Variants in ADAMTS9 observed in about 807,000 individuals in gnomAD.
ADAMTS9 encodes A disintegrin and metalloproteinase with thrombospondin motifs 9.
ADAMTS9 carries 107 observed loss-of-function variants against 257.1 expected under a neutral mutation model. That is an observed-to-expected ratio of 0.42 (90% CI 0.36 to 0.49). ADAMTS9 has a LOEUF of 0.49. Ranked by LOEUF, ADAMTS9 falls within the 20% of genes least tolerant of loss-of-function variation. ADAMTS9 has a pLI of 0.03. For synonymous variants in ADAMTS9, 982 were observed against 880.9 expected, an observed-to-expected ratio of 1.11 and a Z score of -2.03; for missense variants, 2,353 against 2,469.1, an observed-to-expected ratio of 0.95 and a Z score of 1.00.
intron 3 of ADAMTS9, among the ~76,000 whole-genome samples, chr3:64,674,588 G>C (rs1701578839): frequency 6.6e-6 from 1 of 152,200 alleles, no homozygotes; most frequent in Admixed American, 6.5e-5. Context: ...GCCTGTTCTT[G>C]ATCTTTACAA....
At chr3:64,639,962 T>C (rs544800918) in intron 12 of ADAMTS9, among the ~76,000 whole-genome samples, 2 of 152,188 alleles carry the variant, frequency 1.3e-5, no homozygotes, top group East Asian at 3.8e-4. Context: ...TTATTTCTCA[T>C]GGGGAGTAGG....
intron 30 of ADAMTS9, among the ~76,000 whole-genome samples, 178 bp from the exon 31 acceptor site, chr3:64,551,240 T>C (rs751220780): frequency 3.9e-5 from 6 of 152,118 alleles, no homozygotes; most frequent in South Asian, 2.1e-4. Context: ...GATGGAGTCT[T>C]GCTCTGTCTC....
At chr3:64,523,155 C>G (rs541392348) in intron 38 of ADAMTS9, among the ~76,000 whole-genome samples, 1 of 152,110 alleles carries the variant, frequency 6.6e-6, no homozygotes, top group East Asian at 1.9e-4. Flanking sequence ...GAAATGTGTC[C>G]AGAGAAAATA....
intron 11 of ADAMTS9, among the ~76,000 whole-genome samples, chr3:64,645,668 T>C (rs568172397): frequency 6.6e-6 from 1 of 152,306 alleles, no homozygotes; most frequent in East Asian, 1.9e-4. Flanking sequence ...ATCCACATCT[T>C]TAATAAAAGC....
At chr3:64,632,032 A>G in intron 14 of ADAMTS9, 107 bp from the exon 15 acceptor site, 1 of 814,412 alleles carries the variant, frequency 1.2e-6, no homozygotes, top group Non-Finnish European at 2.0e-6. Context: ...CAAGAAAGTC[A>G]AGTCCTTTAA....
chr3:64,634,353 G>C (rs1238119828), intron 12 of ADAMTS9, among the ~76,000 whole-genome samples: 2 of 152,126 alleles, frequency 1.3e-5, no homozygotes, highest in Non-Finnish European at 2.9e-5. Context: ...TCATAAACTT[G>C]TTCCCTCACA....
chr3:64,598,876 T>C (rs185974341), intron 26 of ADAMTS9, among the ~76,000 whole-genome samples: 5 of 152,276 alleles, frequency 3.3e-5, no homozygotes, highest in Admixed American at 1.3e-4. Context: ...AAAGGCTCAA[T>C]GTTTTAACCT....
intron 30 of ADAMTS9, among the ~76,000 whole-genome samples, chr3:64,556,036 A>C (rs920393202): frequency 1.6e-4 from 25 of 152,204 alleles, no homozygotes; most frequent in African/African-American, 5.8e-4. Context: ...TAACTTCAGG[A>C]AAATCTTTTA....
chr3:64,539,695 G>T (rs937632461), intron 36 of ADAMTS9, among the ~76,000 whole-genome samples: 1 of 152,164 alleles, frequency 6.6e-6, no homozygotes, highest in Non-Finnish European at 1.5e-5. Context: ...GGGGAAATAA[G>T]CCAGGAAGAG....
chr3:64,622,038 T>C (rs1164359274), intron 18 of ADAMTS9, among the ~76,000 whole-genome samples, 160 bp downstream of exon 18: 1 of 151,902 alleles, frequency 6.6e-6, no homozygotes, highest in Non-Finnish European at 1.5e-5. Context: ...AAGTTCAACT[T>C]CCCAGCCAAA....
At chr3:64,581,145 A>T (rs989804845) in intron 28 of ADAMTS9, among the ~76,000 whole-genome samples, 4 of 152,160 alleles carry the variant, frequency 2.6e-5, no homozygotes, top group Non-Finnish European at 5.9e-5. Flanking sequence ...ATGTTTAATA[A>T]ATGAGGGCCT....
chr3:64,663,518 T>C (rs7635505), intron 3 of ADAMTS9, among the ~76,000 whole-genome samples: 89,071 of 150,186 alleles, frequency 0.59, 26,594 homozygotes, highest in Non-Finnish European at 0.63. Context: ...ATCAGAATCA[T>C]CAGAGAGGAC....
intron 8 of ADAMTS9, 75 bp from the exon 9 acceptor site, chr3:64,651,238 G>A: frequency 7.4e-7 from 1 of 1,352,190 alleles, no homozygotes; most frequent in Non-Finnish European, 9.9e-7. Context: ...CTTCAGGAAT[G>A]CAACTATCTA....
intron 8 of ADAMTS9, among the ~76,000 whole-genome samples, chr3:64,652,840 T>C (rs1700966740): frequency 6.6e-6 from 1 of 152,068 alleles, no homozygotes; most frequent in Non-Finnish European, 1.5e-5. Flanking sequence ...TCCAAAATCC[T>C]CCAAGACCCA....
Position 64,544,115 on chromosome 3 carries a change from G to C in ADAMTS9, c.5065-2145C>G, listed in dbSNP as rs554255002. 4.9e-3 allele frequency among the ~76,000 whole-genome samples: 746 copies of C among 152,180 alleles called. 8 individuals carry two copies. Among genetic ancestry groups the C allele is most frequent in the African/African-American group, 0.017 (715 of 41,488 alleles). On this transcript the variant is annotated intron_variant, in intron 32 of 39. Coordinates refer to ENST00000498707, the MANE Select transcript of ADAMTS9 (RefSeq NM_182920.2). ...AACCACTGCTCAACGAAATAAAAGA[G>C]GACACAAACAAATGGAAGAACATTC...
chr3:64,533,528 G>A (rs2083009203), intron 37 of ADAMTS9, among the ~76,000 whole-genome samples: 1 of 152,202 alleles, frequency 6.6e-6, no homozygotes, highest in South Asian at 2.1e-4. Flanking sequence ...TAGCGGAAGT[G>A]ATTAACTTCT....
intron 2 of ADAMTS9, 88 bp from the exon 3 acceptor site, chr3:64,681,451 G>T (rs1701754450): frequency 7.3e-7 from 1 of 1,376,066 alleles, no homozygotes; most frequent in Non-Finnish European, 9.8e-7. Flanking sequence ...AAGTAGAGAT[G>T]GTGTCATTTT....
rs2106639006 is a variant in ADAMTS9 at position 64,687,498 on chromosome 3, G to T, written c.115+45C>A. On this transcript the variant is annotated intron_variant, in intron 1 of 39. Coordinates refer to ENST00000498707, the MANE Select transcript of ADAMTS9 (RefSeq NM_182920.2). The surrounding 1 kb of genome is among the most constrained non-coding windows in gnomAD (Gnocchi z 4.4). Reference sequence around the variant, plus strand: ...CCTGCCCAGGAGCGAGGACCGGGAGGCGGCGTCGGGGCCGGCGGGGTCCCG... The same window carrying T: ...CCTGCCCAGGAGCGAGGACCGGGAGTCGGCGTCGGGGCCGGCGGGGTCCCG... 1 of 1,445,668 alleles carries T rather than the reference G, an allele frequency of 6.9e-7. No individual in the cohort carries two copies. Among genetic ancestry groups the T allele is most frequent in the South Asian group, 1.4e-5 (1 of 73,970 alleles). The allele number at this position is 1,445,668 out of a possible 1,614,324, so 89.6% of individuals were successfully genotyped here.
At chr3:64,581,990 T>C (rs1021735128) in intron 28 of ADAMTS9, among the ~76,000 whole-genome samples, 6 of 152,210 alleles carry the variant, frequency 3.9e-5, no homozygotes, top group Admixed American at 2.6e-4. Context: ...CTAGTGTTTA[T>C]GGCCATTGTT....
Sources: allele counts gnomAD v4.1 joint callset (sites outside exome capture counted in the v4.1 genomes callset), GRCh38; gene constraint gnomAD v4.1.1; non-coding constraint Gnocchi (gnomAD v3.1); transcripts MANE v1.5; gene names NCBI Gene and HGNC (gene_info 2026-07-23, HGNC 2026-07-21).